The following DMBT1 variants were observed in gnomAD, a reference collection of about 807,000 sequenced individuals.
DMBT1 encodes scavenger receptor cysteine-rich domain-containing protein DMBT1.
In DMBT1, 198 loss-of-function variants were observed where a neutral mutation model predicts 252.9. The observed-to-expected ratio is 0.78, with a 90% CI of 0.70 to 0.88. DMBT1 has a LOEUF of 0.88. Ranked by LOEUF, DMBT1 falls within the 40% of genes least tolerant of loss-of-function variation. The pLI is 0.00. For missense variants in DMBT1, 2,432 were observed against 2,404.7 expected, an observed-to-expected ratio of 1.01 and a Z score of -0.24; for synonymous variants, 990 against 942.7, an observed-to-expected ratio of 1.05 and a Z score of -0.92.
intron 40 of DMBT1, 33 bp from the exon 41 acceptor site, chr10:122,617,984 G>T (rs548959129): frequency 6.3e-7 from 1 of 1,595,386 alleles, no homozygotes; most frequent in Non-Finnish European, 8.5e-7. Flanking sequence ...CTCCTGGTGG[G>T]GATGGATGAA....
At chr10:122,627,009 G>T (rs74160008) in intron 46 of DMBT1, among the ~76,000 whole-genome samples, 1 of 152,150 alleles carries the variant, frequency 6.6e-6, no homozygotes, top group African/African-American at 2.4e-5. Flanking sequence ...GAAATCTGTC[G>T]GGTGAGGCCA....
At chr10:122,641,836 C>T (rs1258033392) in intron 55 of DMBT1, among the ~76,000 whole-genome samples, 1 of 152,116 alleles carries the variant, frequency 6.6e-6, no homozygotes, top group African/African-American at 2.4e-5. Flanking sequence ...TTGGCTACAC[C>T]TGGCCATCAA....
chr10:122,592,356 G>C lies in DMBT1; in HGVS notation c.2261G>C (p.Trp754Ser). The C allele has an allele frequency of 6.3e-7, 1 of 1,588,356 alleles. No homozygotes were observed. The highest frequency in any genetic ancestry group is 8.6e-7 in the Non-Finnish European group (1 of 1,165,790). ...GTAGAGGTCCTATACCGAGGCTCCT[G>C]GGGCACCGTGTGTGATGACAGCTGG... ...GRVEVLYRGSWGTVCDDSWDT... is the reference protein window; with the variant it reads ...GRVEVLYRGSSGTVCDDSWDT... The change falls in exon 20 of 56, where the codon TGG becomes TCG. Residue 754 changes from tryptophan (W) to serine (S), a missense_variant. Transcript: ENST00000338354.
At chr10:122,617,870 A>C in intron 40 of DMBT1, 147 bp from the exon 41 acceptor site, 1 of 1,425,612 alleles carries the variant, frequency 7.0e-7, no homozygotes, top group South Asian at 1.3e-5. Flanking sequence ...CCTATGATAA[A>C]GCTGAACCTC....
At position 122,579,732 on chromosome 10, in the gene DMBT1, C is replaced by A. The variant is rs2097749578; in HGVS notation, c.834C>A (p.Gly278=). The A allele has an allele frequency of 1.2e-6, 2 of 1,613,722 alleles. No homozygotes were observed. Among genetic ancestry groups the A allele is most frequent in the African/African-American group, 1.3e-5 (1 of 74,920 alleles). The part of the protein sequence containing the change: ...ANVVCRQLGC[G]WAMSAPGNAQ... ...TGGTCTGCAGGCAGCTGGGCTGTGG[C>A]TGGGCCATGTCAGCCCCAGGAAATG... The change falls in exon 10 of 56, where the codon GGC becomes GGA. Residue 278 remains glycine, a synonymous_variant. Transcript: ENST00000338354.
intron 49 of DMBT1, 126 bp downstream of exon 49, chr10:122,631,407 G>T (rs958948021): frequency 8.1e-7 from 1 of 1,229,712 alleles, no homozygotes; most frequent in South Asian, 1.4e-5. Context: ...CGTGGCCTGC[G>T]CACTCCAGAA....
chr10:122,585,583 T>G (rs2097782658), intron 15 of DMBT1, among the ~76,000 whole-genome samples: 1 of 148,536 alleles, frequency 6.7e-6, no homozygotes, highest in Non-Finnish European at 1.5e-5. Context: ...GAAGCTTCCC[T>G]AATCCTACTA....
chr10:122,643,558 A>C lies in DMBT1; in HGVS notation c.*160A>C. 2 of 1,077,960 alleles carry C rather than the reference A, an allele frequency of 1.9e-6. No homozygotes were observed. The highest frequency in any genetic ancestry group is 2.6e-6 in the Non-Finnish European group (2 of 768,722). The allele number at this position is 1,077,960 out of a possible 1,614,324, so 66.8% of individuals were successfully genotyped here. A position where few individuals can be genotyped will look rare whatever the true frequency, so the allele number is the denominator to read the frequency against. On this transcript the variant is annotated 3_prime_UTR_variant, in exon 56 of 56. Coordinates refer to ENST00000338354, the MANE Select transcript of DMBT1 (RefSeq NM_001377530.1). ...TCAGACCTGGTTCCCGCCTCCCCCA[A>C]GGCTCATGGTCCTTGGAGGACCCGT...
At chr10:122,631,996 A>G in intron 50 of DMBT1, 121 bp downstream of exon 50, 2 of 1,159,996 alleles carry the variant, frequency 1.7e-6, no homozygotes, top group Admixed American at 3.6e-5. Context: ...ACCATCCTCT[A>G]CAGCCCCTGT....
chr10:122,637,646 G>T (rs1421331073), intron 54 of DMBT1, among the ~76,000 whole-genome samples: 2 of 152,182 alleles, frequency 1.3e-5, no homozygotes, highest in Non-Finnish European at 2.9e-5. Flanking sequence ...TAGGGTTGGG[G>T]GTGAGAGGCA....
At chr10:122,598,626 A>G (rs1461148971) in intron 25 of DMBT1, 148 bp from the exon 26 acceptor site, 4 of 1,520,888 alleles carry the variant, frequency 2.6e-6, no homozygotes, top group Non-Finnish European at 3.5e-6. Flanking sequence ...GACTTTGATG[A>G]AGCTGAATCT....
chr10:122,592,128 C>A, intron 19 of DMBT1, 144 bp from the exon 20 acceptor site: 1 of 1,365,928 alleles, frequency 7.3e-7, no homozygotes, highest in Non-Finnish European at 9.9e-7. Flanking sequence ...TATGATGAAG[C>A]TGAACCTCTG....
chr10:122,597,135 T>C, intron 24 of DMBT1, 81 bp downstream of exon 24: 1 of 265,052 alleles, frequency 3.8e-6, no homozygotes, highest in Middle Eastern at 1.1e-3. Flanking sequence ...AGAGCCCTCG[T>C]TCTTCTCTGA....
chr10:122,623,867 C>G (rs2098093800), intron 44 of DMBT1, among the ~76,000 whole-genome samples: 1 of 152,190 alleles, frequency 6.6e-6, no homozygotes, highest in East Asian at 1.9e-4. Flanking sequence ...TTCATGGAGG[C>G]CTAACTCTGC....
At chr10:122,600,398 T>A (rs534083769) in intron 27 of DMBT1, among the ~76,000 whole-genome samples, 17 of 152,342 alleles carry the variant, frequency 1.1e-4, no homozygotes, top group African/African-American at 3.8e-4. Context: ...GGTCCTTTTA[T>A]ATTCCGGACT....
At chr10:122,598,707 T>A in intron 25 of DMBT1, 67 bp from the exon 26 acceptor site, 1 of 1,610,102 alleles carries the variant, frequency 6.2e-7, no homozygotes, top group Non-Finnish European at 8.5e-7. Context: ...GCCTTGAGTG[T>A]GGAACATTCC....
Position 122,600,072 on chromosome 10 carries a change from TC to T in DMBT1, c.3292del (p.Arg1098GlyfsTer25), listed in dbSNP as rs1230237556. 6.2e-6 allele frequency: 10 copies of T among 1,607,410 alleles called. No homozygotes were observed. The highest frequency in any genetic ancestry group is 8.5e-6 in the Non-Finnish European group (10 of 1,178,286). On this transcript the variant is annotated frameshift_variant, in exon 27 of 56. Coordinates refer to ENST00000338354, the MANE Select transcript of DMBT1 (RefSeq NM_001377530.1). LOFTEE classifies it high-confidence loss of function. ...TCTTCTCTTTCTCACAGCTTCCCAG[TC>T]CCGGCCAACACCTAGTCCAGGTGGG... ...DAGVICSASQ[S>X]RPTPSPDTWP...
At chr10:122,592,099 G>A (rs923832575) in intron 19 of DMBT1, among the ~76,000 whole-genome samples, 173 bp from the exon 20 acceptor site, 1 of 148,488 alleles carries the variant, frequency 6.7e-6, no homozygotes, top group African/African-American at 2.4e-5. Flanking sequence ...GCAGAATAGG[G>A]TATCACCTCT....
chr10:122,579,095 C>T (rs1336554424), intron 9 of DMBT1, among the ~76,000 whole-genome samples: 1 of 152,046 alleles, frequency 6.6e-6, no homozygotes, highest in African/African-American at 2.4e-5. Flanking sequence ...GTGGAGGGTG[C>T]TGGTGACCTG....
Sources: allele counts gnomAD v4.1 joint callset (sites outside exome capture counted in the v4.1 genomes callset), GRCh38; gene constraint gnomAD v4.1.1; transcripts MANE v1.5; gene names NCBI Gene and HGNC (gene_info 2026-07-23, HGNC 2026-07-21).